The following MRPS28 variants were observed in gnomAD, a reference collection of about 807,000 sequenced individuals.
MRPS28 encodes mitochondrial ribosomal protein S28, also known as small ribosomal subunit protein bS1m.
In MRPS28, 7 loss-of-function variants were observed where a neutral mutation model predicts 10.8. The observed-to-expected ratio is 0.65, with a 90% confidence interval of 0.37 to 1.22. The LOEUF (loss-of-function observed/expected upper bound fraction) is 1.22. Among genes scored for constraint, MRPS28 ranks in the 50% most tolerant of loss-of-function variants. The pLI is 0.02. For missense variants in MRPS28, 265 were observed against 232.9 expected (o/e 1.14, Z -0.90); for synonymous variants, 121 against 93.3 (o/e 1.30, Z -1.71).
At chr8:79,957,972 A>G (rs1225497519) in intron 2 of MRPS28, 1 of 157,030 alleles carries the variant, frequency 6.4e-6, no homozygotes, top group Non-Finnish European at 1.4e-5. Flanking sequence ...CATATTTACT[A>G]TTCTAAAGTG....
intron 2 of MRPS28, among the ~76,000 whole-genome samples, chr8:80,002,171 T>C (rs987655739): frequency 6.6e-6 from 1 of 152,138 alleles, no homozygotes; most frequent in South Asian, 2.1e-4. Flanking sequence ...AGGTCTACAG[T>C]AGACTCTTCG....
At chr8:80,026,010 A>G (rs1470988852) in intron 1 of MRPS28, among the ~76,000 whole-genome samples, 1 of 152,242 alleles carries the variant, frequency 6.6e-6, no homozygotes, top group East Asian at 1.9e-4. Context: ...AGCCTTGAGA[A>G]AGTAAGAAAA....
At chr8:79,935,850 T>G (rs1806592945) in intron 2 of MRPS28, among the ~76,000 whole-genome samples, 1 of 151,768 alleles carries the variant, frequency 6.6e-6, no homozygotes, top group Non-Finnish European at 1.5e-5. Context: ...CTTAAAGAAG[T>G]AAAAGAAATG....
intron 2 of MRPS28, among the ~76,000 whole-genome samples, chr8:79,952,348 A>T (rs1483547233): frequency 6.6e-6 from 1 of 152,170 alleles, no homozygotes; most frequent in Non-Finnish European, 1.5e-5. Context: ...CTTTCTTCCT[A>T]CCCTAACCTT....
intron 2 of MRPS28, among the ~76,000 whole-genome samples, chr8:79,961,920 G>A (rs552574924): frequency 1.1e-4 from 16 of 152,106 alleles, no homozygotes; most frequent in South Asian, 1.0e-3. Context: ...TGCCATTTGA[G>A]TAAATATTAT....
intron 2 of MRPS28, among the ~76,000 whole-genome samples, chr8:79,979,762 C>A (rs1807901766): frequency 6.6e-6 from 1 of 151,772 alleles, no homozygotes; most frequent in Admixed American, 6.6e-5. Context: ...TCTCTTCCTC[C>A]CTTAAACACA....
intron 2 of MRPS28, among the ~76,000 whole-genome samples, chr8:79,966,006 A>C (rs937628971): frequency 6.6e-6 from 1 of 152,084 alleles, no homozygotes; most frequent in Non-Finnish European, 1.5e-5. Context: ...GATTTTAAAA[A>C]AGAAAGGTAA....
rs1274803056 is a variant in MRPS28, at chr8:80,003,005, T to C, written c.389A>G (p.Asp130Gly). Residue 130 changes from aspartate to glycine, a missense_variant, in exon 2 of 3, where the codon GAT becomes GGT. Coordinates refer to ENST00000276585, the MANE Select transcript of MRPS28 (RefSeq NM_014018.3). ...FHCVCRRPEV[D>G]GEKYQKGTRV... Reference sequence around the variant, plus strand: ...TGGAAATGATTTTACTTACTCTCCATCCACTTCTGGTCTTCTACATACACA... The same window carrying C: ...TGGAAATGATTTTACTTACTCTCCACCCACTTCTGGTCTTCTACATACACA... The C allele has an allele frequency of 1.3e-6, 2 of 1,577,482 alleles. No homozygotes were observed. Among genetic ancestry groups the C allele is most frequent in the Non-Finnish European group, 1.7e-6 (2 of 1,166,172 alleles).
chr8:79,988,558 CA>C (rs1297704449), intron 2 of MRPS28, among the ~76,000 whole-genome samples: 1 of 151,520 alleles, frequency 6.6e-6, no homozygotes, highest in African/African-American at 2.4e-5. Context: ...AAGTATAGGA[CA>C]ATGTTGAACC....
chr8:80,009,575 C>CA (rs1477603448), intron 1 of MRPS28, among the ~76,000 whole-genome samples: 1 of 151,818 alleles, frequency 6.6e-6, no homozygotes, highest in Non-Finnish European at 1.5e-5. Flanking sequence ...GAGATCACGC[C>CA]ATTTCACTCC....
chr8:79,979,062 C>T (rs1167462361), intron 2 of MRPS28, among the ~76,000 whole-genome samples: 1 of 151,920 alleles, frequency 6.6e-6, no homozygotes, highest in East Asian at 1.9e-4. Flanking sequence ...AAAATACAGC[C>T]AGCCTAAAAA....
intron 1 of MRPS28, chr8:80,028,832 G>C (rs1054337396): frequency 6.5e-6 from 1 of 154,098 alleles, no homozygotes. Context: ...TTAGCCCAGA[G>C]TGGTGGTGCA....
At chr8:80,004,303 T>A (rs1231173686) in intron 1 of MRPS28, among the ~76,000 whole-genome samples, 3 of 152,116 alleles carry the variant, frequency 2.0e-5, no homozygotes, top group Non-Finnish European at 4.4e-5. Flanking sequence ...AGAGGAACAA[T>A]CAGGCAGCAA....
intron 2 of MRPS28, among the ~76,000 whole-genome samples, chr8:80,001,562 T>C (rs566087391): frequency 1.9e-3 from 289 of 152,364 alleles, no homozygotes; most frequent in African/African-American, 6.7e-3. Flanking sequence ...CAATAACTAA[T>C]TGAATTCCTT....
intron 2 of MRPS28, among the ~76,000 whole-genome samples, chr8:79,937,945 T>C (rs758400103): frequency 6.6e-6 from 1 of 152,228 alleles, no homozygotes; most frequent in Non-Finnish European, 1.5e-5. Context: ...CTCTTCACTG[T>C]ACACAATGAG....
chr8:79,947,603 T>C (rs1586051924), intron 2 of MRPS28, among the ~76,000 whole-genome samples: 4 of 151,712 alleles, frequency 2.6e-5, no homozygotes, highest in East Asian at 3.9e-4. Flanking sequence ...ATAGAGGTCT[T>C]ACATATCTTT....
At chr8:79,999,822 A>C (rs149033629) in intron 2 of MRPS28, among the ~76,000 whole-genome samples, 1 of 152,272 alleles carries the variant, frequency 6.6e-6, no homozygotes, top group African/African-American at 2.4e-5. Context: ...AGGAAGCTGA[A>C]GAGAGAGAGC....
chr8:79,991,984 C>T (rs541189208), intron 2 of MRPS28, among the ~76,000 whole-genome samples: 91 of 148,622 alleles, frequency 6.1e-4, no homozygotes, highest in Non-Finnish European at 1.1e-3. Flanking sequence ...GGGGAAGTTG[C>T]TATGTTGTGA....
At chr8:79,940,709 T>C (rs888551996) in intron 2 of MRPS28, among the ~76,000 whole-genome samples, 3 of 152,166 alleles carry the variant, frequency 2.0e-5, no homozygotes, top group Non-Finnish European at 2.9e-5. Context: ...TTCCAAACAA[T>C]GCATCATCTA....
Sources: allele counts gnomAD v4.1 joint callset (sites outside exome capture counted in the v4.1 genomes callset), GRCh38; gene constraint gnomAD v4.1.1; transcripts MANE v1.5; gene names NCBI Gene and HGNC (gene_info 2026-07-23, HGNC 2026-07-21).